NRXN3: variants seen among roughly 807,000 people sequenced by gnomAD.
The protein encoded by NRXN3 is neurexin 3.
In NRXN3, 32 loss-of-function variants were observed where a neutral mutation model predicts 137.6. The ratio of observed to expected loss-of-function variants is 0.23; its 90% CI spans 0.18 to 0.31. The LOEUF is 0.31. Ranked by LOEUF, NRXN3 falls within the 10% of genes least tolerant of loss-of-function variation. The probability of loss-of-function intolerance (pLI) is 1.00; values close to 1 mark genes in which losing one functional copy is unlikely to be tolerated. For synonymous variants in NRXN3, 798 were observed against 784.5 expected (o/e 1.02, Z -0.29); for missense variants, 1,574 against 2,062.5 (o/e 0.76, Z 4.59).
At chr14:78,983,090 C>G (rs1242526798) in intron 14 of NRXN3, among the ~76,000 whole-genome samples, 1 of 152,124 alleles carries the variant, frequency 6.6e-6, no homozygotes, top group Non-Finnish European at 1.5e-5. Flanking sequence ...GATGAGATAT[C>G]ACCTTGCACC....
chr14:79,669,807 C>T (rs1258916285), intron 17 of NRXN3, among the ~76,000 whole-genome samples: 1 of 152,022 alleles, frequency 6.6e-6, no homozygotes, highest in East Asian at 1.9e-4. Flanking sequence ...AAAATCAGAT[C>T]CCCCAGTGCT....
chr14:78,280,001 G>C (rs1261573369), intron 3 of NRXN3, among the ~76,000 whole-genome samples: 1 of 152,114 alleles, frequency 6.6e-6, no homozygotes, highest in African/African-American at 2.4e-5. Context: ...CCCTACCTTT[G>C]AAAATAATTG....
intron 15 of NRXN3, among the ~76,000 whole-genome samples, chr14:79,104,427 C>T (rs2051968900): frequency 6.6e-6 from 1 of 152,138 alleles, no homozygotes. Flanking sequence ...CCTCCCCACT[C>T]CACAGTGGAC....
intron 6 of NRXN3, among the ~76,000 whole-genome samples, chr14:78,691,970 G>A (rs889074555): frequency 9.9e-5 from 15 of 152,126 alleles, no homozygotes; most frequent in East Asian, 1.9e-4. Flanking sequence ...GTGATGACAC[G>A]GGGTTAGTGC....
intron 15 of NRXN3, among the ~76,000 whole-genome samples, chr14:79,444,261 T>C (rs1270022231): frequency 6.6e-6 from 1 of 152,186 alleles, no homozygotes; most frequent in Non-Finnish European, 1.5e-5. Context: ...CTGCCATATC[T>C]TTGGAGAGAA....
chr14:78,803,722 A>G lies in NRXN3; in HGVS notation c.2147A>G (p.Gln716Arg), dbSNP rs748714677. 1.2e-6 allele frequency: 2 copies of G among 1,614,114 alleles called. No individual in the cohort carries two copies. Among genetic ancestry groups the G allele is most frequent in the Admixed American group, 3.3e-5 (2 of 60,028 alleles). The change falls in exon 9 of 21, where the codon CAG (glutamine) becomes CGG (arginine). Residue 716 changes from glutamine (Q) to arginine (R), a missense_variant. By Grantham distance (43) the Gln-to-Arg change is conservative. This residue lies in a region of NRXN3 where 718 missense variants were observed against 887.6 expected (regional missense o/e 0.81). Coordinates refer to ENST00000335750, the MANE Select transcript of NRXN3 (RefSeq NM_001330195.2). ...GATGTGTCCTTCCGCTTCATGTCCC[A>G]GCGAGCTTATGGGCTGCTGGTGGCT... ...AEDVSFRFMS[Q>R]RAYGLLVATT...
At position 79,004,848 on chromosome 14, in the gene NRXN3, A is replaced by G. The variant is rs377737122; in HGVS notation, c.3262+16707A>G. The stretch of plus-strand genomic sequence containing the variant: ...CAGTGATGTTTCTTCTTTTAAGGTC[A>G]CGTATTTTTTATATGCTGTCGCCCC... On this transcript the variant is annotated intron_variant, in intron 15 of 20. Transcript: ENST00000335750. 1.4e-4 allele frequency among the ~76,000 whole-genome samples: 22 copies of G among 152,314 alleles called. 1 individual carries two copies. The highest frequency in any genetic ancestry group is 2.6e-4 in the Admixed American group (4 of 15,300).
intron 15 of NRXN3, among the ~76,000 whole-genome samples, chr14:79,160,465 A>C (rs755724439): frequency 2.0e-5 from 3 of 151,946 alleles, no homozygotes; most frequent in Admixed American, 2.0e-4. Context: ...CTTGCAGAGC[A>C]CACTGAACTA....
chr14:79,388,354 G>A (rs2094714682), intron 15 of NRXN3, among the ~76,000 whole-genome samples: 1 of 152,012 alleles, frequency 6.6e-6, no homozygotes, highest in South Asian at 2.1e-4. Context: ...TGCAAGAATG[G>A]CCTAACACAG....
chr14:78,264,829 G>C (rs1267571991), intron 2 of NRXN3, among the ~76,000 whole-genome samples: 3 of 152,190 alleles, frequency 2.0e-5, no homozygotes, highest in African/African-American at 7.2e-5. Context: ...CCAGTGTAGT[G>C]GGTCTATACC....
intron 4 of NRXN3, among the ~76,000 whole-genome samples, chr14:78,413,192 G>A (rs2092932137): frequency 6.6e-6 from 1 of 152,212 alleles, no homozygotes; most frequent in Non-Finnish European, 1.5e-5. Flanking sequence ...CAAAGATGTG[G>A]TATAGCTGAG....
chr14:78,618,978 A>G (rs59429125), intron 4 of NRXN3, among the ~76,000 whole-genome samples: 13,182 of 152,248 alleles, frequency 0.087, 750 homozygotes, highest in African/African-American at 0.15. Context: ...CCTTAATGCA[A>G]TGGCTGTGTT....
In NRXN3 at chr14:79,645,675, A is replaced by G. The variant is rs2098450702; in HGVS notation, c.3445-18103A>G. ...TAATGCCTGGTATAATACCTCGCAC[A>G]CAGAAGGTGTTCCATATATGCCTGC... On this transcript the variant is annotated intron_variant, in intron 16 of 20. Transcript: ENST00000335750. 1.5e-5 allele frequency among the ~76,000 whole-genome samples: 2 copies of G among 134,182 alleles called. 1 individual carries two copies. Among genetic ancestry groups the G allele is most frequent in the Non-Finnish European group, 3.5e-5 (2 of 57,770 alleles). 88.0% of individuals were successfully genotyped at this position (134,182 alleles called of 152,430 possible).
intron 19 of NRXN3, among the ~76,000 whole-genome samples, chr14:79,793,261 C>G (rs1187286092): frequency 1.3e-5 from 2 of 150,902 alleles, no homozygotes; most frequent in African/African-American, 4.8e-5. Context: ...GAAACACCAT[C>G]TCTACTAAAA....
At chr14:78,754,773 T>TA (rs1396947983) in intron 8 of NRXN3, among the ~76,000 whole-genome samples, 1 of 151,790 alleles carries the variant, frequency 6.6e-6, no homozygotes, top group Admixed American at 6.5e-5. Context: ...ATCTGAGTTT[T>TA]ACCAAGTTGT....
intron 16 of NRXN3, among the ~76,000 whole-genome samples, chr14:79,577,904 A>G (rs2097680261): frequency 6.6e-6 from 1 of 152,202 alleles, no homozygotes; most frequent in African/African-American, 2.4e-5. Context: ...AGTAATGTCC[A>G]TCTTGCCTGG....
chr14:78,843,497 T>A (rs2099018425), intron 10 of NRXN3, among the ~76,000 whole-genome samples: 1 of 152,160 alleles, frequency 6.6e-6, no homozygotes, highest in South Asian at 2.1e-4. Context: ...CAGAGACTCT[T>A]AGAGCTAGAA....
intron 16 of NRXN3, among the ~76,000 whole-genome samples, chr14:79,494,554 G>A (rs1244822121): frequency 6.6e-6 from 1 of 152,112 alleles, no homozygotes; most frequent in East Asian, 1.9e-4. Flanking sequence ...GGACCAAAAA[G>A]GGTACTACTT....
At chr14:78,754,585 C>G (rs1320876471) in intron 8 of NRXN3, among the ~76,000 whole-genome samples, 2 of 152,226 alleles carry the variant, frequency 1.3e-5, no homozygotes, top group Non-Finnish European at 2.9e-5. Flanking sequence ...GTTAGTTCCA[C>G]CTTTCAATTG....
Sources: allele counts gnomAD v4.1 joint callset (sites outside exome capture counted in the v4.1 genomes callset), GRCh38; gene constraint gnomAD v4.1.1; regional missense constraint gnomAD v4.1.1; transcripts MANE v1.5; gene names NCBI Gene and HGNC (gene_info 2026-07-23, HGNC 2026-07-21).